The following LSG1 variants were observed in gnomAD, a reference collection of about 807,000 sequenced individuals.
LSG1 encodes large subunit GTPase 1 homolog.
A neutral mutation model predicts 82.6 loss-of-function variants in LSG1; 55 were observed. The observed-to-expected ratio is 0.67, with a 90% CI of 0.54 to 0.83. The LOEUF (loss-of-function observed/expected upper bound fraction) is 0.83. Among genes scored for constraint, LSG1 ranks in the 40% least tolerant of loss-of-function variants. The probability of loss-of-function intolerance (pLI) is 0.00; values close to 1 mark genes in which losing one functional copy is unlikely to be tolerated. For synonymous variants in LSG1, 272 were observed against 282.5 expected (o/e 0.96, Z 0.37); for missense variants, 809 against 807.9 (o/e 1.00, Z -0.02).
Position 194,645,573 on chromosome 3 carries a change from C to G in LSG1, c.1623+591G>C, listed in dbSNP as rs1262159606. 4.5e-5 allele frequency among the ~76,000 whole-genome samples: 2 copies of G among 44,884 alleles called. 1 individual carries two copies. The highest frequency in any genetic ancestry group is 1.0e-4 in the Non-Finnish European group (2 of 19,944). 29.4% of individuals were successfully genotyped at this position (44,884 alleles called of 152,430 possible). A position where few individuals can be genotyped will look rare whatever the true frequency, so the allele number is the denominator to read the frequency against. On this transcript the variant is annotated intron_variant, in intron 12 of 13. Coordinates refer to ENST00000265245, the MANE Select transcript of LSG1 (RefSeq NM_018385.3). ...ACACACACACACACACACACACAGA[C>G]AGACACACACACACACACACACACA...
chr3:194,660,259 A>C, intron 5 of LSG1, 126 bp from the exon 6 acceptor site: 1 of 744,976 alleles, frequency 1.3e-6, no homozygotes, highest in Non-Finnish European at 2.4e-6. Context: ...TAACTTTTTA[A>C]GGTATAATTA....
At chr3:194,669,173 T>A (rs1719090892) in intron 2 of LSG1, among the ~76,000 whole-genome samples, 1 of 152,172 alleles carries the variant, frequency 6.6e-6, no homozygotes, top group African/African-American at 2.4e-5. Context: ...AATATGAAAT[T>A]TGCTAAGACA....
chr3:194,654,353 C>T (rs1340063973), intron 7 of LSG1, among the ~76,000 whole-genome samples: 3 of 152,118 alleles, frequency 2.0e-5, no homozygotes, highest in South Asian at 4.1e-4. Flanking sequence ...GTGAATTTGT[C>T]GGGACTTGAA....
chr3:194,665,472 T>C (rs1173916198), intron 5 of LSG1, 85 bp downstream of exon 5: 2 of 883,720 alleles, frequency 2.3e-6, no homozygotes, highest in Non-Finnish European at 3.6e-6. Flanking sequence ...TCCCATACCC[T>C]GAGCCTATAA....
chr3:194,643,149 T>C (rs1018497298), intron 13 of LSG1, among the ~76,000 whole-genome samples: 21 of 152,234 alleles, frequency 1.4e-4, no homozygotes, highest in African/African-American at 5.1e-4. Context: ...GTGATTTAGC[T>C]CTTTTGCATG....
chr3:194,647,992 C>T (rs996263916), intron 11 of LSG1, among the ~76,000 whole-genome samples: 12 of 151,708 alleles, frequency 7.9e-5, no homozygotes, highest in South Asian at 4.1e-4. Flanking sequence ...AGTAAATACT[C>T]AAATAAGCTG....
chr3:194,642,397 C>T (rs533376190), intron 13 of LSG1, 150 bp from the exon 14 acceptor site: 18 of 557,682 alleles, frequency 3.2e-5, no homozygotes, highest in Non-Finnish European at 4.5e-5. Flanking sequence ...TCCTCTTTCT[C>T]CCCCCAGCAT....
intron 5 of LSG1, among the ~76,000 whole-genome samples, chr3:194,662,428 C>T (rs1232978058): frequency 6.6e-6 from 1 of 152,226 alleles, no homozygotes; most frequent in Non-Finnish European, 1.5e-5. Context: ...TATTATACCA[C>T]CTCCTGCCCC....
chr3:194,642,392 T>C (rs1718417568), intron 13 of LSG1, 145 bp from the exon 14 acceptor site: 2 of 564,262 alleles, frequency 3.5e-6, no homozygotes, highest in Non-Finnish European at 5.9e-6. Context: ...ACTGGTCCTC[T>C]TTCTCCCCCC....
chr3:194,658,304 T>A (rs914406009), intron 7 of LSG1, among the ~76,000 whole-genome samples: 3 of 152,066 alleles, frequency 2.0e-5, no homozygotes, highest in Admixed American at 1.3e-4. Context: ...CCCGCCACCA[T>A]GCCCGGCTAA....
At chr3:194,660,016 G>C in intron 6 of LSG1, 57 bp downstream of exon 6, 1 of 1,398,666 alleles carries the variant, frequency 7.1e-7, no homozygotes, top group Admixed American at 1.7e-5. Context: ...TGAGGGATGC[G>C]GTGCTGGCAC....
intron 1 of LSG1, among the ~76,000 whole-genome samples, chr3:194,670,442 C>A (rs1398655789): frequency 6.6e-6 from 1 of 152,182 alleles, no homozygotes; most frequent in Non-Finnish European, 1.5e-5. Context: ...CTAAATGGCA[C>A]AGGTAGAACT....
intron 13 of LSG1, 54 bp from the exon 14 acceptor site, chr3:194,642,301 G>T: frequency 6.7e-7 from 1 of 1,487,798 alleles, no homozygotes; most frequent in South Asian, 1.2e-5. Context: ...TCCTTTAAGG[G>T]ATATGCACAG....
chr3:194,653,387 C>T (rs1230491478), intron 7 of LSG1, among the ~76,000 whole-genome samples: 1 of 151,954 alleles, frequency 6.6e-6, no homozygotes, highest in Admixed American at 6.6e-5. Context: ...TGGTGGTGCA[C>T]ACCTGTAATC....
intron 10 of LSG1, 27 bp from the exon 11 acceptor site, chr3:194,648,831 T>C: frequency 6.2e-7 from 1 of 1,613,182 alleles, no homozygotes; most frequent in Non-Finnish European, 8.5e-7. Context: ...TCCATTCTCT[T>C]GAACGGACTC....
At position 194,665,662 on chromosome 3, in the gene LSG1, G is replaced by C. The variant is rs1719017145; in HGVS notation, c.435-19C>G. 6.7e-7 allele frequency: 1 copy of C among 1,484,480 alleles called. No individual in the cohort carries two copies. The highest frequency in any genetic ancestry group is 1.2e-5 in the South Asian group (1 of 86,142). The allele number at this position is 1,484,480 out of a possible 1,614,324, so 92.0% of individuals were successfully genotyped here. A position where few individuals can be genotyped will look rare whatever the true frequency, so the allele number is the denominator to read the frequency against. ...TTCTAGCCTAGTTTTTGAATGAGAAGTTTATATATTTGCCAGATTATAATA... is the reference window on the plus strand; with the variant it reads ...TTCTAGCCTAGTTTTTGAATGAGAACTTTATATATTTGCCAGATTATAATA... On this transcript the variant is annotated intron_variant, in intron 4 of 13. Coordinates refer to ENST00000265245, the MANE Select transcript of LSG1 (RefSeq NM_018385.3).
chr3:194,646,198 C>G lies in LSG1; in HGVS notation c.1589G>C (p.Arg530Pro), dbSNP rs752140262. 6.2e-6 allele frequency: 10 copies of G among 1,613,950 alleles called. No individual in the cohort carries two copies. The highest frequency in any genetic ancestry group is 1.1e-5 in the South Asian group (1 of 91,084). The change falls in exon 12 of 14, where the codon CGA becomes CCA. Residue 530 changes from arginine (R) to proline (P), a missense_variant. Transcript: ENST00000265245. ...GTCCTTCAGGATGTAGCGCGCAGAT[C>G]GAGGCTGGTCTGGCTGTCCATGCGC... Reference protein sequence around the residue: ...MTAHGQPDQPRSARYILKDYV... With the variant: ...MTAHGQPDQPPSARYILKDYV...
intron 5 of LSG1, among the ~76,000 whole-genome samples, chr3:194,664,494 A>T (rs1479955538): frequency 3.3e-5 from 5 of 152,206 alleles, no homozygotes; most frequent in Non-Finnish European, 7.3e-5. Flanking sequence ...AAGAGGTGAG[A>T]TTAGAGACAG....
intron 11 of LSG1, among the ~76,000 whole-genome samples, chr3:194,648,075 ATTTTTTTTT>A (rs990548703): frequency 6.8e-5 from 8 of 117,940 alleles, no homozygotes; most frequent in Admixed American, 6.2e-4. Context: ...CCACACTGCT[ATTTTTTTTT>A]TTTTTTTTTT....
Sources: allele counts gnomAD v4.1 joint callset (sites outside exome capture counted in the v4.1 genomes callset), GRCh38; gene constraint gnomAD v4.1.1; transcripts MANE v1.5; gene names NCBI Gene and HGNC (gene_info 2026-07-23, HGNC 2026-07-21).